PDE4D: variants seen among roughly 807,000 people sequenced by gnomAD.
PDE4D encodes the protein phosphodiesterase 4D, also known as 3',5'-cyclic-AMP phosphodiesterase 4D.
PDE4D carries 24 observed loss-of-function variants against 87.4 expected under a neutral mutation model. The observed-to-expected ratio is 0.27, with a 90% CI of 0.20 to 0.39. The LOEUF (loss-of-function observed/expected upper bound fraction) is 0.39. PDE4D is among the 10% of genes least tolerant of loss of function. The pLI is 1.00. For synonymous variants in PDE4D, 384 were observed against 383.2 expected (o/e 1.00, Z -0.02); for missense variants, 714 against 1,041.0 (o/e 0.69, Z 4.32).
At position 58,975,014 on chromosome 5, in the gene PDE4D, C is replaced by T. The variant is rs1450600452; in HGVS notation, c.2080G>A (p.Ala694Thr). ...TCCAAAGTGTCCAAAATATCCTGGG[C>T]GTCAGGGTGGACGAGGTCTGCCCAT... The part of the protein sequence containing the change: ...ETWADLVHPD[A>T]QDILDTLEDN... The change falls in exon 15 of 15, where the codon GCC becomes ACC. Residue 694 changes from alanine (A) to threonine (T), a missense_variant. Physicochemically the swap from Ala to Thr is moderately conservative, Grantham distance 58. This residue lies in a region of PDE4D where 97 missense variants were observed against 176.9 expected (regional missense o/e 0.55). Coordinates refer to ENST00000340635, the MANE Select transcript of PDE4D (RefSeq NM_001104631.2). This position sits in a 1 kb window ranked among gnomAD's most constrained non-coding sequence, Gnocchi z 4.2. The T allele has an allele frequency of 1.2e-6, 2 of 1,606,008 alleles. No individual in the cohort carries two copies. Among genetic ancestry groups the T allele is most frequent in the Non-Finnish European group, 1.7e-6 (2 of 1,174,460 alleles).
chr5:59,075,477 A>G (rs1046963880), intron 5 of PDE4D, among the ~76,000 whole-genome samples: 8 of 151,184 alleles, frequency 5.3e-5, no homozygotes, highest in African/African-American at 1.9e-4. Flanking sequence ...AATACTTCAA[A>G]TCATTGGTAT....
At chr5:59,838,494 C>T (rs1272484257) in intron 1 of PDE4D, among the ~76,000 whole-genome samples, 1 of 152,074 alleles carries the variant, frequency 6.6e-6, no homozygotes, top group Non-Finnish European at 1.5e-5. Flanking sequence ...GGCATTTTCA[C>T]ACCTCCAAGG....
chr5:59,230,030 G>A (rs553683998), intron 1 of PDE4D, among the ~76,000 whole-genome samples: 24 of 152,200 alleles, frequency 1.6e-4, no homozygotes, highest in African/African-American at 5.3e-4. Context: ...CAGGCGATCC[G>A]CCTGCCTCGG....
intron 1 of PDE4D, among the ~76,000 whole-genome samples, chr5:59,531,621 C>T (rs1003364634): frequency 6.6e-6 from 1 of 152,138 alleles, no homozygotes; most frequent in South Asian, 2.1e-4. Flanking sequence ...TGCTTCCTTG[C>T]CCTTTCTAGC....
At chr5:59,194,019 G>C (rs749584127) in intron 2 of PDE4D, among the ~76,000 whole-genome samples, 7 of 152,278 alleles carry the variant, frequency 4.6e-5, no homozygotes, top group Non-Finnish European at 7.4e-5. Context: ...GATGACATGG[G>C]ACTGCATCAT....
intron 1 of PDE4D, among the ~76,000 whole-genome samples, chr5:59,679,226 T>C (rs1004291108): frequency 1.3e-5 from 2 of 152,230 alleles, no homozygotes; most frequent in East Asian, 3.8e-4. Context: ...CCAATATTGC[T>C]AAACCTAGGA....
intron 6 of PDE4D, among the ~76,000 whole-genome samples, chr5:59,033,627 T>C (rs1235525684): frequency 6.6e-6 from 1 of 152,212 alleles, no homozygotes; most frequent in African/African-American, 2.4e-5. Context: ...GAAATCTTCT[T>C]AAACTGAACA....
intron 1 of PDE4D, among the ~76,000 whole-genome samples, chr5:59,834,193 C>T (rs143075448): frequency 1.1e-4 from 17 of 152,112 alleles, no homozygotes; most frequent in East Asian, 5.8e-4. Context: ...AAAACTACAT[C>T]GTAAGTACCA....
intron 1 of PDE4D, among the ~76,000 whole-genome samples, chr5:59,297,613 G>A (rs1769338461): frequency 6.6e-6 from 1 of 152,034 alleles, no homozygotes; most frequent in Admixed American, 6.6e-5. Context: ...GTTTCAGTGA[G>A]TGCAAAATTT....
At chr5:59,260,399 C>G (rs1236036929) in intron 1 of PDE4D, among the ~76,000 whole-genome samples, 1 of 151,818 alleles carries the variant, frequency 6.6e-6, no homozygotes, top group Non-Finnish European at 1.5e-5. Flanking sequence ...GAATTTGGTA[C>G]TTTAAACATT....
intron 2 of PDE4D, among the ~76,000 whole-genome samples, chr5:59,200,215 G>A (rs1363170078): frequency 7.1e-6 from 1 of 140,292 alleles, no homozygotes; most frequent in African/African-American, 2.7e-5. Flanking sequence ...ATAGATACAC[G>A]TGTATGTATA....
intron 2 of PDE4D, among the ~76,000 whole-genome samples, chr5:60,114,105 T>A (rs938720396): frequency 6.6e-6 from 1 of 152,148 alleles, no homozygotes; most frequent in African/African-American, 2.4e-5. Flanking sequence ...ATAATAAAGT[T>A]GATGCTCCAC....
chr5:60,177,937 T>C (rs1055261341), intron 2 of PDE4D, among the ~76,000 whole-genome samples: 2 of 152,178 alleles, frequency 1.3e-5, no homozygotes, highest in African/African-American at 4.8e-5. Flanking sequence ...TTAACATATA[T>C]GTTCATCTTC....
At chr5:59,176,452 G>A (rs1487821380) in intron 5 of PDE4D, among the ~76,000 whole-genome samples, 4 of 152,034 alleles carry the variant, frequency 2.6e-5, no homozygotes, top group Non-Finnish European at 5.9e-5. Flanking sequence ...TACTTGGGAG[G>A]CTGAGGCAGG....
chr5:59,148,424 T>C (rs554263226), intron 5 of PDE4D, among the ~76,000 whole-genome samples: 47 of 152,288 alleles, frequency 3.1e-4, no homozygotes, highest in Non-Finnish European at 4.6e-4. Flanking sequence ...AGTGCTCTCA[T>C]TTGTTTCATG....
At chr5:59,452,762 G>A (rs1268772703) in intron 1 of PDE4D, among the ~76,000 whole-genome samples, 1 of 152,124 alleles carries the variant, frequency 6.6e-6, no homozygotes, top group Non-Finnish European at 1.5e-5. Context: ...GAATAAATAG[G>A]TAAAAGGCCA....
At chr5:60,002,125 A>T (rs1764080085) in intron 2 of PDE4D, among the ~76,000 whole-genome samples, 1 of 152,090 alleles carries the variant, frequency 6.6e-6, no homozygotes, top group Non-Finnish European at 1.5e-5. Flanking sequence ...AATTAAAAAA[A>T]ATCCAACAAA....
intron 3 of PDE4D, among the ~76,000 whole-genome samples, chr5:59,926,590 A>G (rs1384006948): frequency 2.0e-5 from 3 of 152,108 alleles, no homozygotes; most frequent in Non-Finnish European, 4.4e-5. Flanking sequence ...TGAAAAGATA[A>G]ACAAAATTGA....
At chr5:60,350,149 C>T (rs1034728129) in intron 1 of PDE4D, among the ~76,000 whole-genome samples, 1 of 152,124 alleles carries the variant, frequency 6.6e-6, no homozygotes, top group Non-Finnish European at 1.5e-5. Context: ...GTTCACTCCA[C>T]CTGTGTTGGA....
Sources: gnomAD v4.1 joint callset for allele counts (sites outside exome capture counted in the v4.1 genomes callset) on GRCh38, gnomAD v4.1.1 for gene constraint, gnomAD v4.1.1 regional missense constraint, Gnocchi (gnomAD v3.1) non-coding constraint, MANE v1.5 for transcripts, NCBI Gene and HGNC (gene_info 2026-07-23, HGNC 2026-07-21) for gene names.